Variants in KAT14 observed in about 807,000 individuals in gnomAD.
The protein encoded by KAT14 is lysine acetyltransferase 14, also known as cysteine-rich protein 2-binding protein.
A neutral mutation model predicts 78.4 loss-of-function variants in KAT14; 66 were observed. That is an observed-to-expected ratio of 0.84 (90% CI 0.69 to 1.03). The LOEUF (loss-of-function observed/expected upper bound fraction) is 1.03. KAT14 is among the 50% of genes least tolerant of loss of function. The pLI is 0.00. For synonymous variants in KAT14, 344 were observed against 359.4 expected, an observed-to-expected ratio of 0.96 and a Z score of 0.48; for missense variants, 870 against 972.5, an observed-to-expected ratio of 0.89 and a Z score of 1.40.
chr20:18,137,730 G>A (rs2037344959), upstream of KAT14: 5 of 434,324 alleles, frequency 1.2e-5, no homozygotes, highest in Non-Finnish European at 2.0e-5. Flanking sequence ...CGCCTGCGGG[G>A]TGTGCAGGAG....
Position 18,162,890 on chromosome 20 carries a change from G to T in KAT14, c.1613G>T (p.Gly538Val). 1 of 1,614,170 alleles carries T rather than the reference G, an allele frequency of 6.2e-7. No homozygotes were observed. The highest frequency in any genetic ancestry group is 1.1e-5 in the South Asian group (1 of 91,082). The change falls in exon 7 of 11, where the codon GGA becomes GTA. Residue 538 changes from glycine (G) to valine (V), a missense_variant. Coordinates refer to ENST00000688188, the MANE Select transcript of KAT14 (RefSeq NM_001392073.1). ...KEGGISRLPA[G>V]QATYRTTCQD... is the part of the protein sequence containing the mutation. ...GGAGGAATTTCCAGACTTCCAGCTG[G>T]ACAAGCCACGTACAGAACCACCTGT...
At chr20:18,144,395 A>G (rs1214972123) in intron 2 of KAT14, among the ~76,000 whole-genome samples, 2 of 152,188 alleles carry the variant, frequency 1.3e-5, no homozygotes, top group Admixed American at 1.3e-4. Flanking sequence ...ACAACTTTGC[A>G]GTTAGGGTGA....
chr20:18,175,051 G>T (rs779237544), intron 7 of KAT14, among the ~76,000 whole-genome samples: 1 of 151,872 alleles, frequency 6.6e-6, no homozygotes, highest in Non-Finnish European at 1.5e-5. Context: ...TACCTTTGCT[G>T]GCAGTTTACA....
At chr20:18,175,291 T>C (rs574735140) in intron 7 of KAT14, among the ~76,000 whole-genome samples, 1 of 152,240 alleles carries the variant, frequency 6.6e-6, no homozygotes, top group South Asian at 2.1e-4. Flanking sequence ...CAGAGTGGTA[T>C]CCACCCTCAC....
intron 3 of KAT14, among the ~76,000 whole-genome samples, chr20:18,150,474 A>G (rs543901312): frequency 4.4e-4 from 67 of 152,188 alleles, no homozygotes; most frequent in Non-Finnish European, 8.5e-4. Context: ...ATTTAGGACT[A>G]CACTGTGTAG....
intron 1 of KAT14, among the ~76,000 whole-genome samples, chr20:18,139,413 G>A (rs1038608586): frequency 2.6e-5 from 4 of 152,192 alleles, no homozygotes; most frequent in Non-Finnish European, 5.9e-5. Context: ...CTTGGCTTTG[G>A]ACCCTAACTG....
chr20:18,180,262 G>A (rs1278259789), intron 7 of KAT14, among the ~76,000 whole-genome samples: 1 of 152,084 alleles, frequency 6.6e-6, no homozygotes, highest in Non-Finnish European at 1.5e-5. Flanking sequence ...GATCTCTAGG[G>A]CAGGGCAAAA....
intron 4 of KAT14, among the ~76,000 whole-genome samples, chr20:18,151,912 A>G (rs1600221000): frequency 6.6e-6 from 1 of 150,936 alleles, no homozygotes. Flanking sequence ...CTGAGGCAGG[A>G]GAATTGCTTG....
intron 4 of KAT14, among the ~76,000 whole-genome samples, chr20:18,156,921 A>G (rs2038247608): frequency 6.6e-6 from 1 of 152,200 alleles, no homozygotes; most frequent in African/African-American, 2.4e-5. Flanking sequence ...ATACGATGAA[A>G]TCTGTAACAC....
intron 7 of KAT14, among the ~76,000 whole-genome samples, chr20:18,173,788 T>C (rs2038939047): frequency 6.6e-6 from 1 of 152,218 alleles, no homozygotes; most frequent in African/African-American, 2.4e-5. Flanking sequence ...GCTCCTCCAT[T>C]ACCTTGGAGG....
At chr20:18,149,898 C>T (rs1014602200) in intron 3 of KAT14, among the ~76,000 whole-genome samples, 1 of 151,970 alleles carries the variant, frequency 6.6e-6, no homozygotes, top group Admixed American at 6.6e-5. Flanking sequence ...TGCAGTGAGC[C>T]GAGATCGCAC....
intron 7 of KAT14, among the ~76,000 whole-genome samples, chr20:18,169,235 A>C (rs2038765121): frequency 6.6e-6 from 1 of 152,162 alleles, no homozygotes. Flanking sequence ...TAAGCCCTTA[A>C]CATATTAAAC....
chr20:18,168,239 A>C (rs1270988353), intron 7 of KAT14, among the ~76,000 whole-genome samples: 1 of 152,198 alleles, frequency 6.6e-6, no homozygotes, highest in Non-Finnish European at 1.5e-5. Context: ...AAGAAATAGA[A>C]ATTTTTGACT....
At position 18,145,339 on chromosome 20, in the gene KAT14, G is replaced by A. The variant is rs760448177; in HGVS notation, c.366G>A (p.Leu122=). 2 of 1,614,158 alleles carry A rather than the reference G, an allele frequency of 1.2e-6. No homozygotes were observed. The highest frequency in any genetic ancestry group is 2.2e-5 in the South Asian group (2 of 91,064). The change falls in exon 3 of 11, where the codon CTG becomes CTA. Residue 122 remains leucine, a synonymous_variant. Transcript: ENST00000688188. ...AGGAGCAGTATGAAAGGCTGAAGCT[G>A]ACATGGCAGCAAGTGAGTAAAAAGC... The part of the protein sequence containing the change: ...DGKEQYERLK[L]TWQQVVMLAM...
At chr20:18,146,666 AACC>A (rs2037838533) in intron 3 of KAT14, among the ~76,000 whole-genome samples, 2 of 152,072 alleles carry the variant, frequency 1.3e-5, no homozygotes, top group African/African-American at 2.4e-5. Flanking sequence ...TCTCAAAAAA[AACC>A]AAAAAAACAA....
chr20:18,164,516 T>G (rs1480962512), intron 7 of KAT14, among the ~76,000 whole-genome samples: 4 of 152,154 alleles, frequency 2.6e-5, no homozygotes, highest in Non-Finnish European at 5.9e-5. Flanking sequence ...TCACCCTGCT[T>G]AGCTTCACCA....
At chr20:18,138,101 C>T (rs374808358) in intron 1 of KAT14, 50 bp downstream of exon 1, 8 of 1,427,834 alleles carry the variant, frequency 5.6e-6, no homozygotes, top group Non-Finnish European at 6.4e-6. Context: ...CGGCGTCGAC[C>T]TGGGGCCTCT....
In KAT14 at chr20:18,175,614, T is replaced by C. The variant is rs183520085; in HGVS notation, c.1669-6096T>C. The stretch of plus-strand genomic sequence containing the variant: ...GCAGCCCTCCTAGCTCTCCATTGTG[T>C]TTAGAATTAGAAGTATAAAGAAACT... On this transcript the variant is annotated intron_variant, in intron 7 of 10. Transcript: ENST00000688188. Among the ~76,000 whole-genome samples, 256 of 152,122 alleles carry C rather than the reference T, an allele frequency of 1.7e-3. 1 individual carries two copies. The highest frequency in any genetic ancestry group is 5.9e-3 in the African/African-American group (245 of 41,496).
chr20:18,186,787 A>G (rs1169230178), intron 10 of KAT14, among the ~76,000 whole-genome samples: 3 of 152,220 alleles, frequency 2.0e-5, no homozygotes, highest in African/African-American at 7.2e-5. Flanking sequence ...GAAGGTCTAT[A>G]CAAGGGCCTC....
Sources: allele counts gnomAD v4.1 joint callset (sites outside exome capture counted in the v4.1 genomes callset), GRCh38; gene constraint gnomAD v4.1.1; transcripts MANE v1.5; gene names NCBI Gene and HGNC (gene_info 2026-07-23, HGNC 2026-07-21).